RSBN1: variants seen among roughly 807,000 people sequenced by gnomAD.
RSBN1 encodes the protein round spermatid basic protein 1, also known as lysine-specific demethylase 9.
Under a neutral mutation model 74.8 loss-of-function variants are expected in RSBN1, and 23 were observed. The observed-to-expected ratio is 0.31, with a 90% confidence interval of 0.22 to 0.44. The LOEUF is 0.44. Among genes scored for constraint, RSBN1 ranks in the 20% least tolerant of loss-of-function variants. RSBN1 has a pLI of 1.00. For missense variants in RSBN1, 808 were observed against 1,020.9 expected, an observed-to-expected ratio of 0.79 and a Z score of 2.84; for synonymous variants, 407 against 379.6, an observed-to-expected ratio of 1.07 and a Z score of -0.84.
intron 1 of RSBN1, among the ~76,000 whole-genome samples, chr1:113,810,384 A>C (rs78105188): frequency 1.4e-5 from 2 of 146,634 alleles, no homozygotes; most frequent in Admixed American, 1.4e-4. Context: ...GTACAGTTAA[A>C]ACACACACAC....
chr1:113,804,892 G>A, intron 1 of RSBN1, among the ~76,000 whole-genome samples: 1 of 134,814 alleles, frequency 7.4e-6, no homozygotes, highest in Admixed American at 7.7e-5. Flanking sequence ...TAGCAGTTAG[G>A]CAACTGGTCA....
chr1:113,799,266 A>C (rs1346441458), intron 1 of RSBN1, among the ~76,000 whole-genome samples: 1 of 152,130 alleles, frequency 6.6e-6, no homozygotes, highest in Non-Finnish European at 1.5e-5. Flanking sequence ...TATGTTGCCC[A>C]GGCAGGGCTC....
intron 4 of RSBN1, among the ~76,000 whole-genome samples, chr1:113,776,883 G>A (rs528153226): frequency 9.2e-5 from 14 of 151,666 alleles, no homozygotes; most frequent in Non-Finnish European, 1.6e-4. Flanking sequence ...AAGTGAATTC[G>A]GTATGGCCGG....
At chr1:113,769,823 G>A (rs1659855415) in intron 4 of RSBN1, among the ~76,000 whole-genome samples, 1 of 152,126 alleles carries the variant, frequency 6.6e-6, no homozygotes, top group African/African-American at 2.4e-5. Context: ...GCATAATAAT[G>A]ATGAACAGAA....
At chr1:113,788,951 T>C (rs1660311481) in intron 2 of RSBN1, among the ~76,000 whole-genome samples, 1 of 151,526 alleles carries the variant, frequency 6.6e-6, no homozygotes, top group South Asian at 2.1e-4. Flanking sequence ...GTAAACAACC[T>C]CAATGTCCAA....
intron 4 of RSBN1, among the ~76,000 whole-genome samples, chr1:113,774,428 AC>A (rs1045921968): frequency 6.6e-6 from 1 of 151,912 alleles, no homozygotes; most frequent in Non-Finnish European, 1.5e-5. Flanking sequence ...TAATCCCAGC[AC>A]TTTGGGAGGC....
intron 4 of RSBN1, among the ~76,000 whole-genome samples, chr1:113,773,843 A>C (rs1659931108): frequency 6.6e-6 from 1 of 151,968 alleles, no homozygotes; most frequent in African/African-American, 2.4e-5. Context: ...TCTCTACTAA[A>C]AATACAAAAG....
Position 113,812,092 on chromosome 1 carries a change from G to A in RSBN1, c.321C>T (p.Pro107=). ...QEKRGRPSQE[P]PLAPPHRRRR... is the part of the protein sequence containing the mutation. ...GCCGCCGGTGAGGGGGAGCGAGAGG[G>A]GGCTCCTGGCTCGGCCGCCCCCGCT... is the stretch of plus-strand genomic sequence containing the variant. The change falls in exon 1 of 7, where the codon CCC becomes CCT. Residue 107 remains proline, a synonymous_variant. Transcript: ENST00000261441. The A allele has an allele frequency of 6.3e-7, 1 of 1,592,322 alleles. No individual in the cohort carries two copies. Among genetic ancestry groups the A allele is most frequent in the South Asian group, 1.1e-5 (1 of 89,342 alleles).
chr1:113,795,883 G>A (rs191936933), intron 2 of RSBN1, among the ~76,000 whole-genome samples: 1 of 152,088 alleles, frequency 6.6e-6, no homozygotes, highest in Admixed American at 6.5e-5. Flanking sequence ...ACAAAACTGG[G>A]ACAGTTTTCC....
intron 2 of RSBN1, among the ~76,000 whole-genome samples, chr1:113,790,064 T>C (rs1660335013): frequency 6.6e-6 from 1 of 151,972 alleles, no homozygotes; most frequent in Non-Finnish European, 1.5e-5. Flanking sequence ...GATTTACTTC[T>C]AGGGAGAAAG....
intron 2 of RSBN1, among the ~76,000 whole-genome samples, chr1:113,792,266 C>G (rs576395552): frequency 2.6e-5 from 4 of 152,328 alleles, no homozygotes; most frequent in South Asian, 4.1e-4. Flanking sequence ...CAGAAGATCT[C>G]AGAGGTGATA....
chr1:113,775,211 G>C (rs368768133), intron 4 of RSBN1, among the ~76,000 whole-genome samples: 5 of 151,942 alleles, frequency 3.3e-5, no homozygotes, highest in African/African-American at 1.2e-4. Flanking sequence ...TTTTAGTAGA[G>C]ATGGGGTTTC....
rs1363217228 is a variant in RSBN1 at position 113,765,437 on chromosome 1, C to T, written c.*543G>A. The T allele has an allele frequency of 6.5e-6, 1 of 152,702 alleles. No homozygotes were observed. The highest frequency in any genetic ancestry group is 2.4e-5 in the African/African-American group (1 of 41,362). The allele number at this position is 152,702 out of a possible 1,614,324, so 9.5% of individuals were successfully genotyped here. On this transcript the variant is annotated 3_prime_UTR_variant, in exon 7 of 7. Transcript: ENST00000261441. ...CTCTTTTGTTAAGAAACCAGAGAGC[C>T]ACTGAAATTTCCTTGGAAACTACTT...
intron 2 of RSBN1, among the ~76,000 whole-genome samples, chr1:113,780,107 C>A (rs139661564): frequency 2.6e-5 from 4 of 152,216 alleles, no homozygotes; most frequent in African/African-American, 9.6e-5. Context: ...GAAAGGCTTT[C>A]TCTCTATACA....
Position 113,812,446 on chromosome 1 carries a change from G to T in RSBN1, c.-34C>A. 1 of 1,550,544 alleles carries T rather than the reference G, an allele frequency of 6.4e-7. No individual in the cohort carries two copies. On this transcript the variant is annotated 5_prime_UTR_variant, in exon 1 of 7. The change creates a new upstream start codon in the 5' untranslated region. Transcript: ENST00000261441. The stretch of plus-strand genomic sequence containing the variant: ...CGGCCGTTCCCAGCTTTTCTCCGCA[G>T]GCCTCTCCAACCGAGCTTCTATTGT...
intron 4 of RSBN1, among the ~76,000 whole-genome samples, chr1:113,774,582 C>T (rs1167574387): frequency 6.6e-6 from 1 of 151,888 alleles, no homozygotes; most frequent in African/African-American, 2.4e-5. Context: ...GAGGCTGAAG[C>T]AGGAGAATGG....
intron 1 of RSBN1, 50 bp from the exon 2 acceptor site, chr1:113,798,086 T>C (rs1660510001): frequency 6.7e-7 from 1 of 1,488,178 alleles, no homozygotes; most frequent in Non-Finnish European, 9.1e-7. Context: ...AGTGTCAACA[T>C]ACAAGCTTCT....
intron 2 of RSBN1, among the ~76,000 whole-genome samples, chr1:113,796,697 C>T (rs138093374): frequency 1.3e-5 from 2 of 152,226 alleles, no homozygotes; most frequent in South Asian, 2.1e-4. Flanking sequence ...AAAACTAGGA[C>T]ACATTATTAA....
chr1:113,791,200 G>A (rs1275204353), intron 2 of RSBN1, among the ~76,000 whole-genome samples: 1 of 152,062 alleles, frequency 6.6e-6, no homozygotes, highest in African/African-American at 2.4e-5. Context: ...GGGGAGGGGA[G>A]AAGGATGTGG....
Sources: gnomAD v4.1 joint callset for allele counts (sites outside exome capture counted in the v4.1 genomes callset) on GRCh38, gnomAD v4.1.1 for gene constraint, MANE v1.5 for transcripts, NCBI Gene and HGNC (gene_info 2026-07-23, HGNC 2026-07-21) for gene names.